The following SDHC variants were observed in gnomAD, a reference collection of about 807,000 sequenced individuals.
SDHC encodes succinate dehydrogenase cytochrome b560 subunit, mitochondrial.
In SDHC, 11 loss-of-function variants were observed where a neutral mutation model predicts 22.6. The ratio of observed to expected loss-of-function variants is 0.49; its 90% CI spans 0.31 to 0.81. The LOEUF is 0.81. SDHC is among the 30% of genes least tolerant of loss of function. The pLI is 0.05. For missense variants in SDHC, 160 were observed against 212.0 expected (o/e 0.75, Z 1.52); for synonymous variants, 80 against 77.8 (o/e 1.03, Z -0.15).
chr1:161,320,221 A>AT (rs1670791552), intron 1 of SDHC, among the ~76,000 whole-genome samples: 1 of 151,238 alleles, frequency 6.6e-6, no homozygotes, highest in Non-Finnish European at 1.5e-5. Flanking sequence ...ATGCCATCAT[A>AT]TGGGGGGGGT....
chr1:161,322,637 G>A (rs1309011488), intron 1 of SDHC, among the ~76,000 whole-genome samples: 4 of 151,500 alleles, frequency 2.6e-5, no homozygotes, highest in African/African-American at 9.7e-5. Context: ...TGCGATCTTG[G>A]CTCGTTGCAA....
intron 1 of SDHC, among the ~76,000 whole-genome samples, chr1:161,319,270 G>C (rs569763325): frequency 6.6e-6 from 1 of 152,162 alleles, no homozygotes; most frequent in African/African-American, 2.4e-5. Context: ...TGGTACTATG[G>C]ATCCAAAATA....
At chr1:161,330,430 C>A (rs1014142297) in intron 3 of SDHC, among the ~76,000 whole-genome samples, 2 of 152,204 alleles carry the variant, frequency 1.3e-5, no homozygotes, top group African/African-American at 4.8e-5. Flanking sequence ...AAAGGAGTCT[C>A]TGGTTCTAAC....
chr1:161,323,573 T>TA (rs1670920093), intron 1 of SDHC, 41 bp from the exon 2 acceptor site: 1 of 1,515,850 alleles, frequency 6.6e-7, no homozygotes, highest in Admixed American at 1.7e-5. Context: ...CTAAAGTTGA[T>TA]CTCTAAATGT....
At chr1:161,330,725 C>T (rs1250078863) in intron 3 of SDHC, among the ~76,000 whole-genome samples, 1 of 152,084 alleles carries the variant, frequency 6.6e-6, no homozygotes, top group East Asian at 1.9e-4. Flanking sequence ...TGGGACCAGG[C>T]GCGATGGCTC....
chr1:161,326,707 C>T (rs1671068748), intron 2 of SDHC: 1 of 150,592 alleles, frequency 6.6e-6, no homozygotes, highest in African/African-American at 2.4e-5. Flanking sequence ...CTCACTGCAA[C>T]CTCCACGTCC....
At chr1:161,320,961 G>C (rs2102289200) in intron 1 of SDHC, among the ~76,000 whole-genome samples, 1 of 151,918 alleles carries the variant, frequency 6.6e-6, no homozygotes, top group African/African-American at 2.4e-5. Context: ...CGAGTAGCTG[G>C]GATCACAGGC....
At chr1:161,327,506 G>A (rs774942272) in intron 2 of SDHC, among the ~76,000 whole-genome samples, 6 of 152,134 alleles carry the variant, frequency 3.9e-5, no homozygotes, top group Non-Finnish European at 7.3e-5. Context: ...TTAGAACCGT[G>A]GGTTGTCACT....
intron 3 of SDHC, among the ~76,000 whole-genome samples, chr1:161,330,223 T>C (rs1671224844): frequency 6.6e-6 from 1 of 152,184 alleles, no homozygotes; most frequent in Non-Finnish European, 1.5e-5. Flanking sequence ...CATCTCAAAG[T>C]CTTAAAATTT....
rs890846065 is a variant in SDHC at position 161,323,328 on chromosome 1, C to G, written c.21-286C>G. On this transcript the variant is annotated intron_variant, in intron 1 of 5. Transcript: ENST00000367975. Reference sequence around the variant, plus strand: ...CCTAGCTTTTAAAAAATCACTTTCTCTATTTCTCTGTTGAACATTACCAAC... The same window carrying G: ...CCTAGCTTTTAAAAAATCACTTTCTGTATTTCTCTGTTGAACATTACCAAC... 3.9e-5 allele frequency among the ~76,000 whole-genome samples: 6 copies of G among 152,168 alleles called. No individual in the cohort carries two copies. In the South Asian group the frequency reaches 6.2e-4, roughly 16 times the overall value.
intron 4 of SDHC, among the ~76,000 whole-genome samples, chr1:161,344,156 G>T (rs1183723367): frequency 2.6e-5 from 4 of 152,238 alleles, no homozygotes; most frequent in Non-Finnish European, 4.4e-5. Flanking sequence ...CGGGCATGGT[G>T]GCGGGCACCT....
intron 4 of SDHC, among the ~76,000 whole-genome samples, chr1:161,346,979 C>T (rs1370910209): frequency 2.0e-5 from 3 of 152,026 alleles, no homozygotes; most frequent in Admixed American, 6.6e-5. Flanking sequence ...AAAAAGTGTA[C>T]GTTTTCAGTA....
chr1:161,339,549 T>G, intron 3 of SDHC: 1 of 1,259,578 alleles, frequency 7.9e-7, no homozygotes, highest in Non-Finnish European at 1.0e-6. Flanking sequence ...ATAATCATTT[T>G]TTTTTTTCTC....
At chr1:161,352,402 C>T (rs1469948025) in intron 4 of SDHC, among the ~76,000 whole-genome samples, 1 of 151,992 alleles carries the variant, frequency 6.6e-6, no homozygotes, top group Non-Finnish European at 1.5e-5. Context: ...ATCTCCTTGA[C>T]CTCCCAGAGA....
chr1:161,352,212 A>T (rs535859009), intron 4 of SDHC, among the ~76,000 whole-genome samples: 3 of 152,208 alleles, frequency 2.0e-5, no homozygotes, highest in Non-Finnish European at 2.9e-5. Flanking sequence ...CTCATATTTA[A>T]TTCTCATATG....
chr1:161,326,371 A>T (rs1266723845), intron 2 of SDHC, among the ~76,000 whole-genome samples: 2 of 152,040 alleles, frequency 1.3e-5, no homozygotes, highest in Non-Finnish European at 1.5e-5. Flanking sequence ...GTCTTGACCC[A>T]GACCCCAAGA....
rs1558164463 is a variant in SDHC at position 161,323,596 on chromosome 1, G to T, written c.21-18G>T. The T allele has an allele frequency of 1.9e-6, 3 of 1,608,534 alleles. No individual in the cohort carries two copies. Among genetic ancestry groups the T allele is most frequent in the Non-Finnish European group, 2.6e-6 (3 of 1,175,248 alleles). ...GATCTCTAAATGTGTATTGATTTTT[G>T]ATTCTCTTATCTTGCAGACACGTTG... is the stretch of plus-strand genomic sequence containing the variant. On this transcript the variant is annotated intron_variant, in intron 1 of 5. Coordinates refer to ENST00000367975, the MANE Select transcript of SDHC (RefSeq NM_003001.5).
At chr1:161,334,651 C>A (rs1381358316) in intron 3 of SDHC, among the ~76,000 whole-genome samples, 3 of 152,006 alleles carry the variant, frequency 2.0e-5, no homozygotes, top group Non-Finnish European at 4.4e-5. Flanking sequence ...GTTGCTCAAG[C>A]TGGCTTTGAG....
intron 4 of SDHC, among the ~76,000 whole-genome samples, chr1:161,346,997 A>C (rs1475892512): frequency 6.6e-6 from 1 of 152,206 alleles, no homozygotes; most frequent in East Asian, 1.9e-4. Flanking sequence ...GTACAGATAA[A>C]ACCATTCATT....
Sources: allele counts gnomAD v4.1 joint callset (sites outside exome capture counted in the v4.1 genomes callset), GRCh38; gene constraint gnomAD v4.1.1; transcripts MANE v1.5; gene names NCBI Gene and HGNC (gene_info 2026-07-23, HGNC 2026-07-21).